The following MCHR2 variants were observed in gnomAD, a reference collection of about 807,000 sequenced individuals.
The protein encoded by MCHR2 is melanin-concentrating hormone receptor 2.
In MCHR2, 15 loss-of-function variants were observed where a neutral mutation model predicts 24.8. That is an observed-to-expected ratio of 0.60 (90% confidence interval 0.40 to 0.93). The LOEUF is 0.93. MCHR2 is among the 40% of genes least tolerant of loss of function. The pLI, the probability that MCHR2 is intolerant of heterozygous loss-of-function variation, is 0.00. For synonymous variants in MCHR2, 151 were observed against 147.6 expected (o/e 1.02, Z -0.17); for missense variants, 386 against 408.7 (o/e 0.94, Z 0.48).
intron 1 of MCHR2, among the ~76,000 whole-genome samples, chr6:99,978,162 A>C (rs976320943): frequency 3.3e-5 from 5 of 152,196 alleles, no homozygotes; most frequent in Non-Finnish European, 7.4e-5. Context: ...GATTAGCAGC[A>C]TTTCAGCGGC....
chr6:99,978,706 C>T (rs962109211), intron 1 of MCHR2, among the ~76,000 whole-genome samples: 2 of 152,098 alleles, frequency 1.3e-5, no homozygotes, highest in Admixed American at 6.6e-5. Context: ...GCGTGAGCCA[C>T]CATGCCTGGC....
chr6:99,925,084 T>G (rs1307282522), intron 5 of MCHR2, among the ~76,000 whole-genome samples: 2 of 152,118 alleles, frequency 1.3e-5, no homozygotes, highest in Non-Finnish European at 2.9e-5. Context: ...GATACTCCAG[T>G]GTTGGGTGAA....
At chr6:99,973,902 G>A (rs1775491456) in intron 1 of MCHR2, among the ~76,000 whole-genome samples, 1 of 152,166 alleles carries the variant, frequency 6.6e-6, no homozygotes, top group Non-Finnish European at 1.5e-5. Context: ...CTCTCTTCTG[G>A]CTTGTAGAGT....
At position 99,920,481 on chromosome 6, in the gene MCHR2, C is replaced by T. The variant is rs1039548578; in HGVS notation, c.*459G>A. On this transcript the variant is annotated 3_prime_UTR_variant, in exon 6 of 6. Coordinates refer to ENST00000281806, the MANE Select transcript of MCHR2 (RefSeq NM_001040179.2). ...AGTTGTTGAGGGTATTAGTATTGGA[C>T]CATATAAAACTGACATTTTTTATAG... 1.2e-5 allele frequency: 2 copies of T among 165,074 alleles called. No individual in the cohort carries two copies. Among genetic ancestry groups the T allele is most frequent in the African/African-American group, 4.8e-5 (2 of 41,628 alleles). The allele number at this position is 165,074 out of a possible 1,614,324, so 10.2% of individuals were successfully genotyped here. A position where few individuals can be genotyped will look rare whatever the true frequency, so the allele number is the denominator to read the frequency against.
rs1774221586 is a variant in MCHR2, at chr6:99,921,202, A to G, written c.761T>C (p.Leu254Pro). Reference sequence around the variant, plus strand: ...CAGGATAAAGACTACCACCAGCACCAGCACCATCTTTGTCAACTTCATCAC... The same window carrying G: ...CAGGATAAAGACTACCACCAGCACCGGCACCATCTTTGTCAACTTCATCAC... ...QRVMKLTKMVLVLVVVFILSA... is the reference protein window; with the variant it reads ...QRVMKLTKMVPVLVVVFILSA... Residue 254 changes from leucine to proline, a missense_variant, in exon 6 of 6, where the codon CTG becomes CCG. Physicochemically the swap from Leu to Pro is moderately conservative, Grantham distance 98. Transcript: ENST00000281806. 6.2e-7 allele frequency: 1 copy of G among 1,614,074 alleles called. No individual in the cohort carries two copies. Among genetic ancestry groups the G allele is most frequent in the Non-Finnish European group, 8.5e-7 (1 of 1,180,026 alleles).
intron 1 of MCHR2, among the ~76,000 whole-genome samples, chr6:99,974,455 T>C (rs566073926): frequency 5.2e-4 from 79 of 152,242 alleles, no homozygotes; most frequent in South Asian, 1.9e-3. Context: ...TAGTTATCCA[T>C]TTGCCTAATT....
Position 99,922,879 on chromosome 6 carries a change from G to C in MCHR2, c.708-1624C>G, listed in dbSNP as rs544785600. On this transcript the variant is annotated intron_variant, in intron 5 of 5. Coordinates refer to ENST00000281806, the MANE Select transcript of MCHR2 (RefSeq NM_001040179.2). The stretch of plus-strand genomic sequence containing the variant: ...GGATATATTTGGCTATTCTGGGTCT[G>C]TTGTGGTTCCATATAAATTTTAAGA... Among the ~76,000 whole-genome samples the C allele has an allele frequency of 2.7e-5, 4 of 149,304 alleles. No homozygotes were observed. In the South Asian group the frequency reaches 8.8e-4, roughly 33 times the overall value.
chr6:99,971,550 A>AT (rs1222951221), intron 1 of MCHR2, among the ~76,000 whole-genome samples: 1 of 152,060 alleles, frequency 6.6e-6, no homozygotes, highest in African/African-American at 2.4e-5. Context: ...AATACCCTTT[A>AT]TTTCCTTCTC....
chr6:99,987,457 C>A lies in MCHR2; in HGVS notation c.-28+6479G>T, dbSNP rs115291138. Reference sequence around the variant, plus strand: ...TATGCCATCCAAATCCCCACCCTTGCTTTAGGATTAGTTCTACAATTAAAT... The same window carrying A: ...TATGCCATCCAAATCCCCACCCTTGATTTAGGATTAGTTCTACAATTAAAT... On this transcript the variant is annotated intron_variant, in intron 1 of 5. Coordinates refer to ENST00000281806, the MANE Select transcript of MCHR2 (RefSeq NM_001040179.2). 3.4e-3 allele frequency among the ~76,000 whole-genome samples: 525 copies of A among 152,206 alleles called. 5 individuals carry two copies. The highest frequency in any genetic ancestry group is 0.012 in the African/African-American group (487 of 41,524).
rs962478472 is a variant in MCHR2, at chr6:99,934,283, T to G, written c.707+115A>C. 5.6e-6 allele frequency: 6 copies of G among 1,071,626 alleles called. No individual in the cohort carries two copies. The African/African-American group carries it at 8.2e-5, about 15-fold the overall frequency. The allele number at this position is 1,071,626 out of a possible 1,614,324, so 66.4% of individuals were successfully genotyped here. On this transcript the variant is annotated intron_variant, in intron 5 of 5. Coordinates refer to ENST00000281806, the MANE Select transcript of MCHR2 (RefSeq NM_001040179.2). ...AATTTTTTCTATAGACATATATCAA[T>G]GTCCACATGTCTAAATGTGGTATGT...
At chr6:99,973,211 G>C (rs935161279) in intron 1 of MCHR2, among the ~76,000 whole-genome samples, 33 of 151,668 alleles carry the variant, frequency 2.2e-4, no homozygotes, top group Non-Finnish European at 4.4e-4. Context: ...TCTCTTTGTA[G>C]GTCACTCAGG....
At chr6:99,937,750 C>CT (rs1774691881) in intron 4 of MCHR2, among the ~76,000 whole-genome samples, 56 of 85,868 alleles carry the variant, frequency 6.5e-4, no homozygotes, top group African/African-American at 2.1e-3. Flanking sequence ...CCTTCCTCTT[C>CT]ATTTTTTTTT....
chr6:99,982,176 G>T (rs12189564), intron 1 of MCHR2, among the ~76,000 whole-genome samples: 41,001 of 151,586 alleles, frequency 0.27, 6,357 homozygotes, highest in African/African-American at 0.42. Flanking sequence ...CAGTTATGGC[G>T]GCCTTGTCTC....
At chr6:99,991,499 G>A (rs570582442) in intron 1 of MCHR2, among the ~76,000 whole-genome samples, 54 of 152,286 alleles carry the variant, frequency 3.5e-4, no homozygotes, top group Admixed American at 2.9e-3. Context: ...GTTATCGTGA[G>A]GATTTAATGA....
intron 1 of MCHR2, among the ~76,000 whole-genome samples, chr6:99,966,338 C>T (rs1231736928): frequency 6.6e-6 from 1 of 152,070 alleles, no homozygotes; most frequent in Non-Finnish European, 1.5e-5. Flanking sequence ...GAAGTAAAGG[C>T]AAATTGGTGT....
At chr6:99,943,311 TA>T (rs1380365663) in intron 3 of MCHR2, among the ~76,000 whole-genome samples, 168 bp from the exon 4 acceptor site, 1 of 150,326 alleles carries the variant, frequency 6.7e-6, no homozygotes, top group Non-Finnish European at 1.5e-5. Flanking sequence ...AATTTTTATT[TA>T]TTTTTTTAAA....
At chr6:99,936,642 C>A (rs1234834842) in intron 4 of MCHR2, among the ~76,000 whole-genome samples, 1 of 151,856 alleles carries the variant, frequency 6.6e-6, no homozygotes, top group African/African-American at 2.4e-5. Context: ...TAGCTTTGTT[C>A]TTTACCTCAG....
In MCHR2 at chr6:99,956,093, A is replaced by T; in HGVS notation, c.55T>A (p.Ser19Thr). 6 of 1,613,420 alleles carry T rather than the reference A, an allele frequency of 3.7e-6. No homozygotes were observed. The highest frequency in any genetic ancestry group is 5.1e-6 in the Non-Finnish European group (6 of 1,179,602). Residue 19 changes from serine (S) to threonine (T), a missense_variant, in exon 2 of 6, where the codon TCC (serine) becomes ACC (threonine). By Grantham distance (58) the Ser-to-Thr change is moderately conservative. Transcript: ENST00000281806. ...TGATAAGCAAACTCTTTATTCCAGG[A>T]TTTGTTTAAAAGTTCGGCAGAGGTG... ...WNTSAELLNK[S>T]WNKEFAYQTA...
chr6:99,973,969 C>A (rs2114574719), intron 1 of MCHR2, among the ~76,000 whole-genome samples: 1 of 152,290 alleles, frequency 6.6e-6, no homozygotes, highest in African/African-American at 2.4e-5. Context: ...GTAACCCGAC[C>A]TTTCTTTCTG....
Sources: gnomAD v4.1 joint callset for allele counts (sites outside exome capture counted in the v4.1 genomes callset) on GRCh38, gnomAD v4.1.1 for gene constraint, MANE v1.5 for transcripts, NCBI Gene and HGNC (gene_info 2026-07-23, HGNC 2026-07-21) for gene names.